Variants in SYT11 observed in about 807,000 individuals in gnomAD.
SYT11 encodes the protein synaptotagmin 11.
SYT11 carries 12 observed loss-of-function variants against 30.4 expected under a neutral mutation model. That is an observed-to-expected ratio of 0.39 (90% confidence interval 0.25 to 0.64). The LOEUF is 0.64. SYT11 is among the 30% of genes least tolerant of loss of function. The probability of loss-of-function intolerance (pLI) is 0.45; values close to 1 mark genes in which losing one functional copy is unlikely to be tolerated. For synonymous variants in SYT11, 204 were observed against 216.0 expected, an observed-to-expected ratio of 0.94 and a Z score of 0.49; for missense variants, 412 against 552.0, an observed-to-expected ratio of 0.75 and a Z score of 2.54.
At position 155,885,090 on chromosome 1, in the gene SYT11, T is replaced by C. The variant is rs751246948; in HGVS notation, c.*3582T>C. 4.6e-5 allele frequency: 7 copies of C among 152,844 alleles called. No homozygotes were observed. In the South Asian group the frequency reaches 1.0e-3, roughly 23 times the overall value. 9.5% of individuals were successfully genotyped at this position (152,844 alleles called of 1,614,324 possible). ...AAAAGCTAACATGAATTGTGTGAAA[T>C]TGCATAATGCTGTAATGCTAATCTA... is the stretch of plus-strand genomic sequence containing the variant. On this transcript the variant is annotated 3_prime_UTR_variant, in exon 4 of 4. Transcript: ENST00000368324.
chr1:155,863,718 C>T (rs1308675095), intron 1 of SYT11, among the ~76,000 whole-genome samples: 2 of 151,936 alleles, frequency 1.3e-5, no homozygotes, highest in Non-Finnish European at 2.9e-5. Flanking sequence ...GTCAGGAGTT[C>T]GAGACCAGCG....
At chr1:155,875,602 C>T (rs377509948) in intron 2 of SYT11, among the ~76,000 whole-genome samples, 4 of 152,036 alleles carry the variant, frequency 2.6e-5, no homozygotes, top group Non-Finnish European at 4.4e-5. Flanking sequence ...GGGGTTTTAC[C>T]GTGTTGGCCA....
At chr1:155,873,689 A>C (rs1381752797) in intron 2 of SYT11, among the ~76,000 whole-genome samples, 2 of 152,204 alleles carry the variant, frequency 1.3e-5, no homozygotes, top group African/African-American at 4.8e-5. Flanking sequence ...TGCACCATGC[A>C]GTGTGGTAGC....
At chr1:155,867,895 A>T (rs1287879213) in intron 1 of SYT11, 70 bp from the exon 2 acceptor site, 1 of 1,172,886 alleles carries the variant, frequency 8.5e-7, no homozygotes, top group African/African-American at 1.5e-5. Flanking sequence ...AGCAGTGGCA[A>T]TGAGCAGGGG....
At chr1:155,871,608 C>T (rs1399994918) in intron 2 of SYT11, among the ~76,000 whole-genome samples, 1 of 152,226 alleles carries the variant, frequency 6.6e-6, no homozygotes, top group Non-Finnish European at 1.5e-5. Context: ...ATTTGCTAAG[C>T]TGCCAGGGGC....
At chr1:155,864,598 C>G (rs1305332529) in intron 1 of SYT11, among the ~76,000 whole-genome samples, 1 of 152,010 alleles carries the variant, frequency 6.6e-6, no homozygotes, top group Non-Finnish European at 1.5e-5. Flanking sequence ...TGCCTAAATT[C>G]CTAAGTCATT....
chr1:155,868,332 C>G lies in SYT11; in HGVS notation c.402C>G (p.Ser134Arg). The G allele has an allele frequency of 6.2e-7, 1 of 1,613,970 alleles. No individual in the cohort carries two copies. The highest frequency in any genetic ancestry group is 1.1e-5 in the South Asian group (1 of 91,062). Residue 134 changes from serine to arginine, a missense_variant, in exon 2 of 4, where the codon AGC (serine) becomes AGG (arginine). Physicochemically the swap from Ser to Arg is moderately radical, Grantham distance 110. Coordinates refer to ENST00000368324, the MANE Select transcript of SYT11 (RefSeq NM_152280.5). The surrounding 1 kb of genome is among the most constrained non-coding windows in gnomAD (Gnocchi z 4.7). ...IKMDYGEELR[S>R]PITSLTPGES... is the part of the protein sequence containing the mutation. ...TGGACTATGGGGAAGAACTAAGGAG[C>G]CCTATTACAAGCCTGACCCCTGGGG...
intron 2 of SYT11, among the ~76,000 whole-genome samples, chr1:155,877,778 G>A (rs1238613085): frequency 1.3e-5 from 2 of 151,498 alleles, no homozygotes; most frequent in African/African-American, 4.9e-5. Flanking sequence ...GGATGGTCTC[G>A]ATCTCCTGAA....
At chr1:155,867,064 C>CA (rs1672693069) in intron 1 of SYT11, among the ~76,000 whole-genome samples, 1 of 145,910 alleles carries the variant, frequency 6.9e-6, no homozygotes, top group Non-Finnish European at 1.5e-5. Flanking sequence ...GGAGGAATAC[C>CA]TTTTTTTTTT....
intron 2 of SYT11, among the ~76,000 whole-genome samples, chr1:155,879,575 G>T (rs1222850972): frequency 2.0e-5 from 3 of 152,194 alleles, no homozygotes; most frequent in Non-Finnish European, 4.4e-5. Flanking sequence ...GGCAGAGCAG[G>T]TGTGGATATT....
At position 155,881,364 on chromosome 1, in the gene SYT11, C is replaced by T. The variant is rs200889507; in HGVS notation, c.1152C>T (p.Phe384=). The change falls in exon 4 of 4, where the codon TTC becomes TTT. Residue 384 remains phenylalanine (F), a synonymous_variant. Transcript: ENST00000368324. ...GCATCGAGTTCCTCGTTATCGACTT[C>T]GATCGCACCACCAAGAATGAGGTGG... The part of the protein sequence containing the change: ...DISIEFLVID[F]DRTTKNEVVG... 11 of 1,614,176 alleles carry T rather than the reference C, an allele frequency of 6.8e-6. No individual in the cohort carries two copies. Among genetic ancestry groups the T allele is most frequent in the African/African-American group, 5.3e-5 (4 of 75,038 alleles).
At position 155,875,065 on chromosome 1, in the gene SYT11, C is replaced by G. The variant is rs965352226; in HGVS notation, c.862-5435C>G. ...GTCAGGAGTTTGAGACTAGCCTGGC[C>G]AATGTAGCGAAACCCCGTCTTTACT... is the stretch of plus-strand genomic sequence containing the variant. On this transcript the variant is annotated intron_variant, in intron 2 of 3. Coordinates refer to ENST00000368324, the MANE Select transcript of SYT11 (RefSeq NM_152280.5). Among the ~76,000 whole-genome samples the G allele has an allele frequency of 2.7e-5, 4 of 147,632 alleles. No homozygotes were observed. In the Admixed American group the frequency reaches 2.7e-4, roughly 10 times the overall value.
rs1264802190 is a variant in SYT11, at chr1:155,884,817, T to G, written c.*3309T>G. On this transcript the variant is annotated 3_prime_UTR_variant, in exon 4 of 4. Transcript: ENST00000368324. ...GGAGCACAGCCAAGATGGACATGTT[T>G]ATGGACAGTGCTCTAGATGTGAAAA... 6.5e-6 allele frequency: 1 copy of G among 152,744 alleles called. No individual in the cohort carries two copies. The highest frequency in any genetic ancestry group is 1.5e-5 in the Non-Finnish European group (1 of 68,030). The allele number at this position is 152,744 out of a possible 1,614,324, so 9.5% of individuals were successfully genotyped here.
At chr1:155,871,071 T>C (rs547513341) in intron 2 of SYT11, among the ~76,000 whole-genome samples, 1 of 152,298 alleles carries the variant, frequency 6.6e-6, no homozygotes, top group South Asian at 2.1e-4. Context: ...CTGCTAATTA[T>C]AGGAAAACTT....
chr1:155,867,100 C>T (rs1672694059), intron 1 of SYT11, among the ~76,000 whole-genome samples: 2 of 151,848 alleles, frequency 1.3e-5, no homozygotes, highest in Non-Finnish European at 2.9e-5. Flanking sequence ...CTCCATCACC[C>T]AGGCTGGAAT....
At chr1:155,873,715 G>T (rs975671358) in intron 2 of SYT11, among the ~76,000 whole-genome samples, 1 of 152,240 alleles carries the variant, frequency 6.6e-6, no homozygotes, top group African/African-American at 2.4e-5. Flanking sequence ...GCTACATGTC[G>T]CTATTGAGCA....
intron 2 of SYT11, among the ~76,000 whole-genome samples, chr1:155,876,970 T>C (rs1461586485): frequency 6.7e-6 from 1 of 149,574 alleles, no homozygotes; most frequent in Non-Finnish European, 1.5e-5. Flanking sequence ...ATTTCTTTTT[T>C]TTTTTTTTTT....
chr1:155,879,982 C>T (rs1345295012), intron 2 of SYT11, among the ~76,000 whole-genome samples: 1 of 151,978 alleles, frequency 6.6e-6, no homozygotes, highest in Non-Finnish European at 1.5e-5. Flanking sequence ...TCACTTGAGA[C>T]CAGGAATTCA....
Position 155,868,742 on chromosome 1 carries a change from G to T in SYT11, c.812G>T (p.Ser271Ile), listed in dbSNP as rs996287931. The change falls in exon 2 of 4, where the codon AGC becomes ATC. Residue 271 changes from serine (S) to isoleucine (I), a missense_variant. Coordinates refer to ENST00000368324, the MANE Select transcript of SYT11 (RefSeq NM_152280.5). The surrounding 1 kb of genome is among the most constrained non-coding windows in gnomAD (Gnocchi z 4.7). ...VMVPLAGVDP[S>I]TGKVQLTRDI... Reference sequence around the variant, plus strand: ...GTGCCACTGGCAGGGGTGGACCCCAGCACAGGCAAGGTACAACTGACCAGG... The same window carrying T: ...GTGCCACTGGCAGGGGTGGACCCCATCACAGGCAAGGTACAACTGACCAGG... The T allele has an allele frequency of 6.2e-7, 1 of 1,614,182 alleles. No individual in the cohort carries two copies. The highest frequency in any genetic ancestry group is 8.5e-7 in the Non-Finnish European group (1 of 1,180,030).
Sources: allele counts gnomAD v4.1 joint callset (sites outside exome capture counted in the v4.1 genomes callset), GRCh38; gene constraint gnomAD v4.1.1; non-coding constraint Gnocchi (gnomAD v3.1); transcripts MANE v1.5; gene names NCBI Gene and HGNC (gene_info 2026-07-23, HGNC 2026-07-21).